Variants in OTC observed in about 807,000 individuals in gnomAD.
OTC encodes the protein ornithine transcarbamylase, mitochondrial.
OTC carries 3 observed loss-of-function variants against 30.3 expected under a neutral mutation model. The observed-to-expected ratio is 0.10, with a 90% CI of 0.05 to 0.26. The LOEUF (loss-of-function observed/expected upper bound fraction) is 0.26, where lower values mean the gene tolerates loss of function less well. Ranked by LOEUF, OTC falls within the 10% of genes least tolerant of loss-of-function variation. The probability of loss-of-function intolerance (pLI) is 1.00; values close to 1 mark genes in which losing one functional copy is unlikely to be tolerated. For missense variants in OTC, 194 were observed against 260.3 expected (o/e 0.75, Z 1.75); for synonymous variants, 111 against 99.7 (o/e 1.11, Z -0.67).
chrX:38,376,191 G>A (rs2068347058), intron 3 of OTC, among the ~76,000 whole-genome samples: 1 of 110,969 alleles, frequency 9.0e-6, no homozygotes, highest in Non-Finnish European at 1.9e-5. Context: ...GAAATGAGAA[G>A]AGAGGAACTA....
the OTC span, among the ~76,000 whole-genome samples, chrX:38,347,112 T>C: frequency 8.9e-6 from 1 of 112,178 alleles, no homozygotes; most frequent in Non-Finnish European, 1.9e-5. Context: ...AGAATATTAT[T>C]TTTTTCCTGT....
chrX:38,396,642 G>T, intron 4 of OTC, among the ~76,000 whole-genome samples: 2 of 110,655 alleles, frequency 1.8e-5, no homozygotes, highest in Admixed American at 9.6e-5. Flanking sequence ...GCGTAGTGGC[G>T]CATGCCTCTA....
chrX:38,336,586 G>C, the OTC span, among the ~76,000 whole-genome samples: 1 of 110,295 alleles, frequency 9.1e-6, no homozygotes, highest in Admixed American at 9.8e-5. Flanking sequence ...GAGCAATCTG[G>C]CTAGGACACC....
intron 1 of OTC, among the ~76,000 whole-genome samples, chrX:38,364,338 A>C (rs1257330599): frequency 8.9e-6 from 1 of 112,166 alleles, no homozygotes; most frequent in Non-Finnish European, 1.9e-5. Context: ...TGCTTTAAAG[A>C]AATTTCCATT....
chrX:38,388,112 G>A (rs2068412983), intron 4 of OTC, among the ~76,000 whole-genome samples: 1 of 111,647 alleles, frequency 9.0e-6, no homozygotes, highest in South Asian at 3.7e-4. Context: ...TCTCTCTTCT[G>A]AATTTTGCTC....
intron 4 of OTC, among the ~76,000 whole-genome samples, chrX:38,394,729 T>C (rs762997914): frequency 9.0e-6 from 1 of 111,549 alleles, no homozygotes; most frequent in Non-Finnish European, 1.9e-5. Context: ...AACTTTATCC[T>C]CAGTTTCGCA....
intron 6 of OTC, among the ~76,000 whole-genome samples, chrX:38,408,051 C>T (rs923767100): frequency 1.2e-4 from 14 of 112,275 alleles, no homozygotes; most frequent in Middle Eastern, 4.6e-3. Flanking sequence ...TTTTTTCTAG[C>T]GCCTCCTTAA....
intron 9 of OTC, among the ~76,000 whole-genome samples, chrX:38,415,237 C>T (rs1204902171): frequency 9.2e-6 from 1 of 108,299 alleles, no homozygotes; most frequent in African/African-American, 3.4e-5. Context: ...CGCCACTGTG[C>T]CCGGCTAATT....
chrX:38,331,674 C>T, the OTC span, among the ~76,000 whole-genome samples: 1 of 109,501 alleles, frequency 9.1e-6, no homozygotes, highest in Non-Finnish European at 1.9e-5. Flanking sequence ...CCTCTGCCTC[C>T]CGGGCTCAAC....
chrX:38,330,155 G>A, the OTC span, among the ~76,000 whole-genome samples: 1 of 111,841 alleles, frequency 8.9e-6, no homozygotes, highest in Non-Finnish European at 1.9e-5. Flanking sequence ...AGATGCAGGA[G>A]TGGTCAGAGA....
intron 1 of OTC, among the ~76,000 whole-genome samples, chrX:38,360,065 T>A (rs1202560299): frequency 9.2e-6 from 1 of 108,625 alleles, no homozygotes; most frequent in Non-Finnish European, 1.9e-5. Flanking sequence ...GGATTACAGG[T>A]GCCTGCCACC....
chrX:38,402,277 A>G (rs2068493188), intron 5 of OTC, among the ~76,000 whole-genome samples: 1 of 77,764 alleles, frequency 1.3e-5, no homozygotes, highest in South Asian at 7.8e-4. Flanking sequence ...AGATAATTTA[A>G]TGCTTCCCCC....
chrX:38,353,400 GGGGAA>G (rs1419998289), intron 1 of OTC, among the ~76,000 whole-genome samples: 3 of 16,524 alleles, frequency 1.8e-4, no homozygotes, highest in African/African-American at 2.1e-4. Flanking sequence ...GGAAGGGAAA[GGGGAA>G]GGGGAAGGGA....
chrX:38,396,332 A>G (rs2068456865), intron 4 of OTC, among the ~76,000 whole-genome samples: 1 of 111,100 alleles, frequency 9.0e-6, no homozygotes, highest in South Asian at 3.8e-4. Context: ...GCAGCACATG[A>G]CTCATTGCAA....
intron 4 of OTC, among the ~76,000 whole-genome samples, chrX:38,392,502 G>A (rs924534382): frequency 8.9e-6 from 1 of 111,958 alleles, no homozygotes; most frequent in Admixed American, 9.5e-5. Context: ...TAGTTACAGG[G>A]TTGTCATTGT....
chrX:38,350,456 G>A (rs1416057454), upstream of OTC, among the ~76,000 whole-genome samples: 1 of 111,540 alleles, frequency 9.0e-6, no homozygotes, highest in African/African-American at 3.3e-5. Flanking sequence ...GAATCATGGG[G>A]TCAACAAGAG....
intron 9 of OTC, among the ~76,000 whole-genome samples, chrX:38,418,958 G>A (rs1344012030): frequency 8.9e-6 from 1 of 112,019 alleles, no homozygotes; most frequent in Non-Finnish European, 1.9e-5. Context: ...TTTTAGTAGT[G>A]TTACAGCTTC....
Position 38,411,934 on chromosome X carries a change from G to A in OTC, c.940G>A (p.Glu314Lys). The change falls in exon 9 of 10, where the codon GAA (glutamate) becomes AAA (lysine). Residue 314 changes from glutamate (E) to lysine (K), a missense_variant. Coordinates refer to ENST00000039007, the MANE Select transcript of OTC (RefSeq NM_000531.6). ...LPRKPEEVDD[E>K]VFYSPRSLVF... Reference sequence around the variant, plus strand: ...CAGAAAGCCAGAAGAAGTGGATGATGAAGTCTTTTATTCTCCTCGATCACT... The same window carrying A: ...CAGAAAGCCAGAAGAAGTGGATGATAAAGTCTTTTATTCTCCTCGATCACT... 1.7e-6 allele frequency: 2 copies of A among 1,208,446 alleles called. No individual in the cohort carries two copies. Among genetic ancestry groups the A allele is most frequent in the East Asian group, 5.9e-5 (2 of 33,808 alleles).
intron 1 of OTC, among the ~76,000 whole-genome samples, chrX:38,356,391 CTG>C (rs1214949831): frequency 2.7e-5 from 3 of 111,860 alleles, no homozygotes; most frequent in Non-Finnish European, 5.6e-5. Flanking sequence ...GTAGAAAAAA[CTG>C]AGTTCTTTTC....
Sources: allele counts gnomAD v4.1 joint callset (sites outside exome capture counted in the v4.1 genomes callset), GRCh38; gene constraint gnomAD v4.1.1; transcripts MANE v1.5; gene names NCBI Gene and HGNC (gene_info 2026-07-23, HGNC 2026-07-21).